Variants in PRELID2 observed in about 807,000 individuals in gnomAD.
PRELID2 encodes PRELI domain containing 2.
In PRELID2, 25 loss-of-function variants were observed where a neutral mutation model predicts 28.4. The ratio of observed to expected loss-of-function variants is 0.88; its 90% CI spans 0.64 to 1.23. The LOEUF (loss-of-function observed/expected upper bound fraction) is 1.23, where lower values mean the gene tolerates loss of function less well. PRELID2 is among the 50% of genes most tolerant of loss of function. PRELID2 has a pLI of 0.00. For missense variants in PRELID2, 201 were observed against 214.4 expected (o/e 0.94, Z 0.39); for synonymous variants, 76 against 71.6 (o/e 1.06, Z -0.31).
the PRELID2 span, among the ~76,000 whole-genome samples, chr5:145,336,248 G>A: frequency 6.6e-6 from 1 of 151,862 alleles, no homozygotes; most frequent in African/African-American, 2.4e-5. Context: ...ATGGTAGTTT[G>A]TTTTGCTGTG....
the PRELID2 span, among the ~76,000 whole-genome samples, chr5:145,455,045 A>G: frequency 0.87 from 131,950 of 152,184 alleles, 57,540 homozygotes; most frequent in African/African-American, 0.95. Flanking sequence ...TAGTCATGAA[A>G]TCTTTGCCCA....
intron 1 of PRELID2, among the ~76,000 whole-genome samples, chr5:145,571,912 G>A (rs1211352280): frequency 6.6e-6 from 1 of 151,534 alleles, no homozygotes; most frequent in Non-Finnish European, 1.5e-5. Context: ...AACCCAGGAG[G>A]CGGAGCTTGC....
the PRELID2 span, among the ~76,000 whole-genome samples, chr5:145,374,331 A>G: frequency 6.6e-6 from 1 of 151,992 alleles, no homozygotes; most frequent in Non-Finnish European, 1.5e-5. Flanking sequence ...TGGCTTGTAG[A>G]GTTTCTGCTG....
rs1284959791 is a variant in PRELID2 at position 145,757,427 on chromosome 5, C to CAA, written c.*3107_*3108dup. Reference sequence around the variant, plus strand: ...GAACCTGCACGTTAGCACGTTGCCCCAAAGATTTCTGGTACATGTGAAGTC... The same window carrying CAA: ...GAACCTGCACGTTAGCACGTTGCCCCAAAAAGATTTCTGGTACATGTGAAGTC... On this transcript the variant is annotated 3_prime_UTR_variant, in exon 7 of 7. Transcript: ENST00000683046. Among the ~76,000 whole-genome samples the CAA allele has an allele frequency of 4.6e-5, 7 of 152,228 alleles. No individual in the cohort carries two copies. Among genetic ancestry groups the CAA allele is most frequent in the Non-Finnish European group, 1.0e-4 (7 of 68,028 alleles).
At chr5:145,413,928 A>G in the PRELID2 span, among the ~76,000 whole-genome samples, 3 of 152,096 alleles carry the variant, frequency 2.0e-5, no homozygotes, top group Admixed American at 2.0e-4. Flanking sequence ...ACACATCTTT[A>G]TTCATCTGTT....
intron 1 of PRELID2, among the ~76,000 whole-genome samples, chr5:145,549,564 G>T (rs1752815348): frequency 6.6e-6 from 1 of 152,128 alleles, no homozygotes; most frequent in Non-Finnish European, 1.5e-5. Flanking sequence ...ACAGGCCGAG[G>T]CGGACGGAGC....
the PRELID2 span, among the ~76,000 whole-genome samples, chr5:145,401,546 G>T: frequency 6.6e-6 from 1 of 152,060 alleles, no homozygotes; most frequent in East Asian, 1.9e-4. Context: ...AGTGTAACAA[G>T]CTCACCTCTT....
chr5:145,443,412 T>C, the PRELID2 span, among the ~76,000 whole-genome samples: 3 of 152,030 alleles, frequency 2.0e-5, no homozygotes, highest in Non-Finnish European at 2.9e-5. Context: ...CCAAGTCATA[T>C]ACCTATCTCT....
At chr5:145,520,937 A>G (rs921171802) in intron 1 of PRELID2, among the ~76,000 whole-genome samples, 1 of 152,166 alleles carries the variant, frequency 6.6e-6, no homozygotes, top group East Asian at 1.9e-4. Flanking sequence ...TATATAATTG[A>G]GCACAATTTG....
At chr5:145,739,129 A>G (rs1435398426) in intron 1 of PRELID2, among the ~76,000 whole-genome samples, 1 of 152,148 alleles carries the variant, frequency 6.6e-6, no homozygotes, top group Admixed American at 6.5e-5. Context: ...ATGATGAAAA[A>G]CTGAAAAAAT....
chr5:145,416,348 T>C, the PRELID2 span, among the ~76,000 whole-genome samples: 1 of 151,990 alleles, frequency 6.6e-6, no homozygotes, highest in Non-Finnish European at 1.5e-5. Context: ...ATTCAGGACA[T>C]AGGCACGGGC....
At chr5:145,656,101 A>C (rs1188013822) in intron 1 of PRELID2, among the ~76,000 whole-genome samples, 1 of 152,224 alleles carries the variant, frequency 6.6e-6, no homozygotes, top group Non-Finnish European at 1.5e-5. Flanking sequence ...GGAGATGAAC[A>C]GACACTTATC....
chr5:145,377,794 G>A, the PRELID2 span, among the ~76,000 whole-genome samples: 1 of 152,082 alleles, frequency 6.6e-6, no homozygotes, highest in Non-Finnish European at 1.5e-5. Flanking sequence ...ATGGGTCTTG[G>A]TTCATTATTC....
Position 145,835,310 on chromosome 5 carries a change from G to T in PRELID2, c.-59C>A. ...GCCTCCGCGAGCTCAGAGCTGCCCA[G>T]GGCTCCGCAGAGGCCCGGAGGCGCC... is the stretch of plus-strand genomic sequence containing the variant. On this transcript the variant is annotated 5_prime_UTR_variant, in exon 1 of 7. The change creates a new upstream start codon in the 5' untranslated region. Transcript: ENST00000683046. 7.9e-7 allele frequency: 1 copy of T among 1,268,782 alleles called. No individual in the cohort carries two copies. Among genetic ancestry groups the T allele is most frequent in the Non-Finnish European group, 1.1e-6 (1 of 904,084 alleles). 78.6% of individuals were successfully genotyped at this position (1,268,782 alleles called of 1,614,324 possible). A position where few individuals can be genotyped will look rare whatever the true frequency, so the allele number is the denominator to read the frequency against.
At chr5:145,228,998 G>A in the PRELID2 span, 2 of 1,601,074 alleles carry the variant, frequency 1.2e-6, no homozygotes, top group Non-Finnish European at 8.5e-7. Flanking sequence ...TGTTCATTGA[G>A]GATGTCAGCA....
intron 1 of PRELID2, among the ~76,000 whole-genome samples, chr5:145,550,176 C>A (rs73307696): frequency 0.011 from 1,703 of 152,244 alleles, 32 homozygotes; most frequent in African/African-American, 0.038. Flanking sequence ...AGAATGAACC[C>A]TGTGGTATGA....
chr5:145,406,058 A>G, the PRELID2 span, among the ~76,000 whole-genome samples: 2 of 152,084 alleles, frequency 1.3e-5, no homozygotes, highest in East Asian at 3.9e-4. Flanking sequence ...TCGGGATCAC[A>G]AGAACAACAC....
Position 145,544,869 on chromosome 5 carries a change from T to C in PRELID2, n.71-71554A>G, listed in dbSNP as rs528376905. On this transcript the variant is annotated intron_variant and non_coding_transcript_variant, in intron 1 of 2. Transcript: ENST00000510259. ...GCCAAGGAGTTCACAGAGAGGTGATTTGAGACACAGAAAGATCAATACATT... is the reference window on the plus strand; with the variant it reads ...GCCAAGGAGTTCACAGAGAGGTGATCTGAGACACAGAAAGATCAATACATT... Among the ~76,000 whole-genome samples, 4 of 152,240 alleles carry C rather than the reference T, an allele frequency of 2.6e-5. No homozygotes were observed. In the South Asian group the frequency reaches 6.2e-4, roughly 24 times the overall value.
intron 1 of PRELID2, among the ~76,000 whole-genome samples, chr5:145,824,884 A>C (rs1223650040): frequency 1.3e-5 from 2 of 152,072 alleles, no homozygotes; most frequent in Non-Finnish European, 2.9e-5. Flanking sequence ...GGTTTTTAAA[A>C]ATCTATTTAT....
Sources: gnomAD v4.1 joint callset for allele counts (sites outside exome capture counted in the v4.1 genomes callset) on GRCh38, gnomAD v4.1.1 for gene constraint, MANE v1.5 for transcripts, NCBI Gene and HGNC (gene_info 2026-07-23, HGNC 2026-07-21) for gene names.